The following PLD5 variants were observed in gnomAD, a reference collection of about 807,000 sequenced individuals.
PLD5 encodes the protein inactive phospholipase D5.
A neutral mutation model predicts 61.1 loss-of-function variants in PLD5; 36 were observed. That is an observed-to-expected ratio of 0.59 (90% CI 0.45 to 0.78). The LOEUF (loss-of-function observed/expected upper bound fraction) is 0.78, where lower values mean the gene tolerates loss of function less well. PLD5 is among the 30% of genes least tolerant of loss of function. The pLI, the probability that PLD5 is intolerant of heterozygous loss-of-function variation, is 0.00. For synonymous variants in PLD5, 243 were observed against 242.8 expected, an observed-to-expected ratio of 1.00 and a Z score of -0.01; for missense variants, 515 against 644.4, an observed-to-expected ratio of 0.80 and a Z score of 2.17.
At chr1:242,465,400 A>T (rs568440294) in intron 1 of PLD5, among the ~76,000 whole-genome samples, 1 of 152,346 alleles carries the variant, frequency 6.6e-6, no homozygotes, top group South Asian at 2.1e-4. Context: ...CCTATAGTAG[A>T]TTCTCAAACA....
chr1:242,419,366 T>C (rs1665001328), intron 1 of PLD5, among the ~76,000 whole-genome samples: 1 of 150,160 alleles, frequency 6.7e-6, no homozygotes, highest in African/African-American at 2.4e-5. Context: ...TAGTGCAAGC[T>C]GAGTGCAGTC....
intron 7 of PLD5, among the ~76,000 whole-genome samples, chr1:242,108,994 G>A (rs1661276463): frequency 6.6e-6 from 1 of 152,090 alleles, no homozygotes; most frequent in African/African-American, 2.4e-5. Context: ...TCTTGCTCTT[G>A]GCAAAAATCT....
At position 242,524,618 on chromosome 1, in the gene PLD5, GC is replaced by G. The variant is rs1397908683; in HGVS notation, c.-343del. 1 of 201,916 alleles carries G rather than the reference GC, an allele frequency of 5.0e-6. No individual in the cohort carries two copies. Among genetic ancestry groups the G allele is most frequent in the Non-Finnish European group, 1.0e-5 (1 of 100,418 alleles). The allele number at this position is 201,916 out of a possible 1,614,324, so 12.5% of individuals were successfully genotyped here. A position where few individuals can be genotyped will look rare whatever the true frequency, so the allele number is the denominator to read the frequency against. ...GAACCTGCTCCGGGGAGACAGAAGT[GC>G]CCGGTGCGGCGGCGACGTCGCCCGG... On this transcript the variant is annotated 5_prime_UTR_variant, in exon 1 of 10. Transcript: ENST00000536534.
rs532466882 is a variant in PLD5 at position 242,337,673 on chromosome 1, T to C, written c.326+10433A>G. ...AAGCAAATCATATAATACCTCACTT[T>C]GTAAAGCACTTTGCAGTCTTCTACA... On this transcript the variant is annotated intron_variant, in intron 2 of 9. Coordinates refer to ENST00000536534, the MANE Select transcript of PLD5 (RefSeq NM_001372062.1). Among the ~76,000 whole-genome samples the C allele has an allele frequency of 3.3e-5, 5 of 152,294 alleles. No individual in the cohort carries two copies. In the East Asian group the frequency reaches 7.7e-4, roughly 24 times the overall value.
At chr1:242,527,584 G>A (rs1283221893), upstream of PLD5, among the ~76,000 whole-genome samples, 1 of 152,134 alleles carries the variant, frequency 6.6e-6, no homozygotes, top group Non-Finnish European at 1.5e-5. Flanking sequence ...TACTTACTTG[G>A]TATGCAGTGC....
At chr1:242,208,814 C>G (rs1307962175) in intron 5 of PLD5, among the ~76,000 whole-genome samples, 2 of 152,100 alleles carry the variant, frequency 1.3e-5, no homozygotes, top group African/African-American at 4.8e-5. Context: ...TCATAGAAAC[C>G]TTTTAATTCT....
At chr1:242,449,598 G>T in intron 1 of PLD5, 1 of 1,274,758 alleles carries the variant, frequency 7.8e-7, no homozygotes. Context: ...CCTAGAATGT[G>T]CTCTTAAAAA....
At chr1:242,244,053 A>G (rs1404160226) in intron 4 of PLD5, among the ~76,000 whole-genome samples, 1 of 152,194 alleles carries the variant, frequency 6.6e-6, no homozygotes, top group Non-Finnish European at 1.5e-5. Flanking sequence ...AAGTCTCATA[A>G]CAAATTCAGA....
chr1:242,354,595 T>G (rs1660654894), intron 1 of PLD5, among the ~76,000 whole-genome samples: 1 of 152,110 alleles, frequency 6.6e-6, no homozygotes, highest in Non-Finnish European at 1.5e-5. Context: ...TTTCACTTCT[T>G]CCTTTTCTAT....
intron 2 of PLD5, among the ~76,000 whole-genome samples, chr1:242,298,303 C>T (rs1675830325): frequency 6.6e-6 from 1 of 152,120 alleles, no homozygotes; most frequent in African/African-American, 2.4e-5. Context: ...GACAGTATGG[C>T]AGTGGAGGAA....
chr1:242,383,564 C>T (rs1008154143), intron 1 of PLD5, among the ~76,000 whole-genome samples: 1 of 152,004 alleles, frequency 6.6e-6, no homozygotes, highest in Admixed American at 6.6e-5. Flanking sequence ...GTAGCAGAAG[C>T]TTCTGCCTAA....
intron 4 of PLD5, among the ~76,000 whole-genome samples, chr1:242,244,359 G>C (rs1672238797): frequency 6.6e-6 from 1 of 152,158 alleles, no homozygotes; most frequent in Non-Finnish European, 1.5e-5. Flanking sequence ...GGGACAAATA[G>C]GAGATACACA....
chr1:242,113,084 CTTTTTTTTTTTT>C (rs71570931), intron 7 of PLD5, among the ~76,000 whole-genome samples: 1 of 110,666 alleles, frequency 9.0e-6, no homozygotes, highest in East Asian at 2.6e-4. Flanking sequence ...CTCTCTCTCT[CTTTTTTTTTTTT>C]TTTTTTTTTT....
At chr1:242,414,185 A>G (rs1306109918) in intron 1 of PLD5, among the ~76,000 whole-genome samples, 1 of 152,264 alleles carries the variant, frequency 6.6e-6, no homozygotes, top group Non-Finnish European at 1.5e-5. Context: ...CTGATTAAGT[A>G]TGAGAAATAA....
chr1:242,325,741 G>A (rs938978450), intron 2 of PLD5, among the ~76,000 whole-genome samples: 10 of 151,372 alleles, frequency 6.6e-5, no homozygotes, highest in African/African-American at 2.2e-4. Flanking sequence ...CTGGAGTAAT[G>A]AGAATAGGCA....
At chr1:242,483,627 A>T (rs929468464) in intron 1 of PLD5, among the ~76,000 whole-genome samples, 1 of 152,184 alleles carries the variant, frequency 6.6e-6, no homozygotes, top group Admixed American at 6.5e-5. Context: ...TTAACACCCC[A>T]CTGTCAACAT....
At chr1:242,398,055 T>A (rs1663700229) in intron 1 of PLD5, among the ~76,000 whole-genome samples, 1 of 152,292 alleles carries the variant, frequency 6.6e-6, no homozygotes, top group African/African-American at 2.4e-5. Flanking sequence ...ACTAGGGCTT[T>A]CCTATTAATT....
chr1:242,124,756 G>A, intron 5 of PLD5, 91 bp from the exon 6 acceptor site: 1 of 1,036,124 alleles, frequency 9.7e-7, no homozygotes, highest in South Asian at 1.6e-5. Flanking sequence ...TGAGGTAGTT[G>A]TGACATCTTT....
chr1:242,265,709 G>T (rs1362234590), intron 3 of PLD5, among the ~76,000 whole-genome samples: 1 of 152,126 alleles, frequency 6.6e-6, no homozygotes. Context: ...ATGCTACAAT[G>T]CAAATCTACC....
Sources: gnomAD v4.1 joint callset for allele counts (sites outside exome capture counted in the v4.1 genomes callset) on GRCh38, gnomAD v4.1.1 for gene constraint, MANE v1.5 for transcripts, NCBI Gene and HGNC (gene_info 2026-07-23, HGNC 2026-07-21) for gene names.